The following TNNI3 variants were observed in gnomAD, a reference collection of about 807,000 sequenced individuals.
The protein encoded by TNNI3 is troponin I, cardiac muscle.
TNNI3 carries 23 observed loss-of-function variants against 31.5 expected under a neutral mutation model. The ratio of observed to expected loss-of-function variants is 0.73; its 90% CI spans 0.52 to 1.03. TNNI3 has a LOEUF of 1.03. TNNI3 is among the 50% of genes least tolerant of loss of function. TNNI3 has a pLI of 0.00. For missense variants in TNNI3, 236 were observed against 282.9 expected, an observed-to-expected ratio of 0.83 and a Z score of 1.19; for synonymous variants, 120 against 111.7, an observed-to-expected ratio of 1.07 and a Z score of -0.47.
rs1357844466 is a variant in TNNI3 at position 55,156,299 on chromosome 19, C to A, written c.184G>T (p.Glu62Ter). The change falls in exon 5 of 8, where the codon GAG (glutamate) becomes TAG (stop). Residue 62 changes from glutamate to a stop codon, truncating the protein, a stop_gained. Coordinates refer to ENST00000344887, the MANE Select transcript of TNNI3 (RefSeq NM_000363.5). LOFTEE classifies it high-confidence loss of function. The surrounding 1 kb of genome is among the most constrained non-coding windows in gnomAD (Gnocchi z 4.6). Reference sequence around the variant, plus strand: ...CCGCGCCGCTCCTCCGCCTCTCGCTCCAGCTCTTGCTTTGCAATCTGCAGC... The same window carrying A: ...CCGCGCCGCTCCTCCGCCTCTCGCTACAGCTCTTGCTTTGCAATCTGCAGC... ...LLLQIAKQEL[E>*]REAEERRGEK... 1.9e-6 allele frequency: 3 copies of A among 1,610,520 alleles called. No homozygotes were observed. The highest frequency in any genetic ancestry group is 2.5e-6 in the Non-Finnish European group (3 of 1,179,158).
At position 55,152,481 on chromosome 19, in the gene TNNI3, T is replaced by C. The variant is rs1162639954; in HGVS notation, c.550-564A>G. On this transcript the variant is annotated intron_variant, in intron 7 of 7. Transcript: ENST00000344887. This position sits in a 1 kb window ranked among gnomAD's most constrained non-coding sequence, Gnocchi z 4.0. Reference sequence around the variant, plus strand: ...GCCTAACGCCAGGTCATAATGCCTATGTCATCCACCTCACCTCATCTCAGC... The same window carrying C: ...GCCTAACGCCAGGTCATAATGCCTACGTCATCCACCTCACCTCATCTCAGC... Among the ~76,000 whole-genome samples, 1 of 152,232 alleles carries C rather than the reference T, an allele frequency of 6.6e-6. No individual in the cohort carries two copies. Among genetic ancestry groups the C allele is most frequent in the Non-Finnish European group, 1.5e-5 (1 of 68,048 alleles).
In TNNI3 at chr19:55,152,171, TTC is replaced by T. The variant is rs56007758; in HGVS notation, c.550-256_550-255del. ...GCACTTCCTGTCTCCCTCATGTACT[TTC>T]TGTCTTTCCCCATCCACTTCCTGTC... On this transcript the variant is annotated intron_variant, in intron 7 of 7. Transcript: ENST00000344887. This position sits in a 1 kb window ranked among gnomAD's most constrained non-coding sequence, Gnocchi z 4.0. 0.17 allele frequency among the ~76,000 whole-genome samples: 25,759 copies of T among 151,758 alleles called. 2,380 individuals are homozygous for T. Among genetic ancestry groups the T allele is most frequent in the Middle Eastern group, 0.29 (86 of 294 alleles).
intron 5 of TNNI3, 130 bp from the exon 6 acceptor site, chr19:55,154,960 T>C: frequency 1.4e-6 from 1 of 724,918 alleles, no homozygotes. Flanking sequence ...GCTGGGGGCC[T>C]GGACTCCTGG....
At position 55,151,885 on chromosome 19, in the gene TNNI3, G is replaced by A. The variant is rs730881090; in HGVS notation, c.582C>T (p.Asn194=). The change falls in exon 8 of 8, where the codon AAC becomes AAT. Residue 194 remains asparagine, a synonymous_variant. Coordinates refer to ENST00000344887, the MANE Select transcript of TNNI3 (RefSeq NM_000363.5). ...ENREVGDWRK[N]IDALSGMEGR... is the part of the protein sequence containing the mutation. ...CCTCCATTCCACTCAGTGCATCGAT[G>A]TTCTTGCGCCAGTCTCCCACCTCCC... is the stretch of plus-strand genomic sequence containing the variant. The A allele has an allele frequency of 1.2e-6, 2 of 1,614,044 alleles. No individual in the cohort carries two copies. The highest frequency in any genetic ancestry group is 1.3e-5 in the African/African-American group (1 of 74,918).
Position 55,156,935 on chromosome 19 carries a change from C to G in TNNI3, c.108+115G>C, listed in dbSNP as rs2085736014. 2 of 1,251,442 alleles carry G rather than the reference C, an allele frequency of 1.6e-6. No individual in the cohort carries two copies. Among genetic ancestry groups the G allele is most frequent in the Non-Finnish European group, 1.1e-6 (1 of 888,034 alleles). 77.5% of individuals were successfully genotyped at this position (1,251,442 alleles called of 1,614,324 possible). ...CATGACCCTCTGCAAAACTCCGCCC[C>G]TGAAGCCCCTCCGCGTAGTCCCCGC... On this transcript the variant is annotated intron_variant, in intron 3 of 7. Transcript: ENST00000344887. This position sits in a 1 kb window ranked among gnomAD's most constrained non-coding sequence, Gnocchi z 4.6.
In TNNI3 at chr19:55,157,408, C is replaced by T; in HGVS notation, c.12-100G>A. On this transcript the variant is annotated intron_variant, in intron 1 of 7. Coordinates refer to ENST00000344887, the MANE Select transcript of TNNI3 (RefSeq NM_000363.5). The surrounding 1 kb of genome is among the most constrained non-coding windows in gnomAD (Gnocchi z 6.3). ...CTCTGAACAAGAGGTCGGGGGACCG[C>T]GCTTCCCCTTCCTTGGGTTCCAGGA... 1 of 1,600,106 alleles carries T rather than the reference C, an allele frequency of 6.2e-7. No individual in the cohort carries two copies. Among genetic ancestry groups the T allele is most frequent in the Admixed American group, 1.7e-5 (1 of 59,400 alleles).
chr19:55,154,616 G>C (rs888913796), intron 6 of TNNI3, 125 bp downstream of exon 6: 2 of 835,698 alleles, frequency 2.4e-6, no homozygotes, highest in East Asian at 2.6e-5. Flanking sequence ...AGCCCTGCCA[G>C]GCTCACAGTT....
rs2085699324 is a variant in TNNI3 at position 55,152,193 on chromosome 19, C to G, written c.550-276G>C. On this transcript the variant is annotated intron_variant, in intron 7 of 7. Coordinates refer to ENST00000344887, the MANE Select transcript of TNNI3 (RefSeq NM_000363.5). This position sits in a 1 kb window ranked among gnomAD's most constrained non-coding sequence, Gnocchi z 4.0. ...ACTTTCTGTCTTTCCCCATCCACTTCCTGTCTCCCTCATGCACTTCCTGTC... is the reference window on the plus strand; with the variant it reads ...ACTTTCTGTCTTTCCCCATCCACTTGCTGTCTCCCTCATGCACTTCCTGTC... Among the ~76,000 whole-genome samples, 1 of 151,946 alleles carries G rather than the reference C, an allele frequency of 6.6e-6. No homozygotes were observed. The highest frequency in any genetic ancestry group is 1.5e-5 in the Non-Finnish European group (1 of 67,994).
Position 55,156,503 on chromosome 19 carries a change from C to A in TNNI3, c.150+100G>T, listed in dbSNP as rs547135585. On this transcript the variant is annotated intron_variant, in intron 4 of 7. Transcript: ENST00000344887. The surrounding 1 kb of genome is among the most constrained non-coding windows in gnomAD (Gnocchi z 4.6). ...TAAAGCCACGCCCCGAGCGGCCAAA[C>A]CCCGCCCACTTCCGCCCACCTACCC... 3.2e-4 allele frequency: 493 copies of A among 1,523,476 alleles called. No individual in the cohort carries two copies. The highest frequency in any genetic ancestry group is 3.2e-3 in the Middle Eastern group (14 of 4,430). 94.4% of individuals were successfully genotyped at this position (1,523,476 alleles called of 1,614,324 possible). A position where few individuals can be genotyped will look rare whatever the true frequency, so the allele number is the denominator to read the frequency against.
chr19:55,151,808 A>G lies in TNNI3; in HGVS notation c.*26T>C, dbSNP rs2085695978. 1 of 1,608,652 alleles carries G rather than the reference A, an allele frequency of 6.2e-7. No homozygotes were observed. The highest frequency in any genetic ancestry group is 1.1e-5 in the South Asian group (1 of 90,984). ...AGCTTTATTCCTCAGGGCCCTCCTC[A>G]GGGCAGGGGCAGTAGGCAGGAAGGC... On this transcript the variant is annotated 3_prime_UTR_variant, in exon 8 of 8. Transcript: ENST00000344887.
Position 55,157,466 on chromosome 19 carries a change from C to G in TNNI3, c.11+113G>C, listed in dbSNP as rs1944404122. ...TCGCAAACCCACTTCCTCTCTTCAC[C>G]CAAGAGTCCCTACGCCTACCTCGCA... On this transcript the variant is annotated intron_variant, in intron 1 of 7. Transcript: ENST00000344887. This position sits in a 1 kb window ranked among gnomAD's most constrained non-coding sequence, Gnocchi z 6.3. The G allele has an allele frequency of 9.4e-5, 148 of 1,577,508 alleles. 4 individuals carry two copies. The South Asian group carries it at 1.6e-3, about 17-fold the overall frequency.
Position 55,154,814 on chromosome 19 carries a change from A to G in TNNI3, c.299T>C (p.Leu100Pro), listed in dbSNP as rs1225405918. 6.2e-7 allele frequency: 1 copy of G among 1,614,056 alleles called. No individual in the cohort carries two copies. Residue 100 changes from leucine (L) to proline (P), a missense_variant, in exon 6 of 8, where the codon CTC (leucine) becomes CCC (proline). Coordinates refer to ENST00000344887, the MANE Select transcript of TNNI3 (RefSeq NM_000363.5). Reference sequence around the variant, plus strand: ...ATCCACCTTGTCCACACGGGCGTGGAGCTGTCGGCACAAGTCCTGGAGGAG... The same window carrying G: ...ATCCACCTTGTCCACACGGGCGTGGGGCTGTCGGCACAAGTCCTGGAGGAG... ...FAELQDLCRQ[L>P]HARVDKVDEE...
chr19:55,153,015 G>A (rs2085703340), intron 7 of TNNI3, among the ~76,000 whole-genome samples: 1 of 152,110 alleles, frequency 6.6e-6, no homozygotes, highest in African/African-American at 2.4e-5. Flanking sequence ...GGCCAGGCTG[G>A]TCTCAAACTC....
Position 55,156,273 on chromosome 19 carries a change from T to C in TNNI3, c.210A>G (p.Gly70=). ...GGGTGCTCAGAGCGCGCCCCTTCTCTCCGCGCCGCTCCTCCGCCTCTCGCT... is the reference window on the plus strand; with the variant it reads ...GGGTGCTCAGAGCGCGCCCCTTCTCCCCGCGCCGCTCCTCCGCCTCTCGCT... ...ELEREAEERR[G]EKGRALSTRC... is the part of the protein sequence containing the mutation. Residue 70 remains glycine (G), a synonymous_variant, in exon 5 of 8, where the codon GGA becomes GGG. Transcript: ENST00000344887. This position sits in a 1 kb window ranked among gnomAD's most constrained non-coding sequence, Gnocchi z 4.6. The C allele has an allele frequency of 1.2e-6, 2 of 1,611,368 alleles. No individual in the cohort carries two copies. The highest frequency in any genetic ancestry group is 8.5e-7 in the Non-Finnish European group (1 of 1,179,472).
chr19:55,156,906 C>T lies in TNNI3; in HGVS notation c.108+144G>A. 1.9e-6 allele frequency: 2 copies of T among 1,028,540 alleles called. No homozygotes were observed. Among genetic ancestry groups the T allele is most frequent in the Non-Finnish European group, 2.9e-6 (2 of 686,268 alleles). 63.7% of individuals were successfully genotyped at this position (1,028,540 alleles called of 1,614,324 possible). On this transcript the variant is annotated intron_variant, in intron 3 of 7. Transcript: ENST00000344887. This position sits in a 1 kb window ranked among gnomAD's most constrained non-coding sequence, Gnocchi z 4.6. ...CGCCCGCAGGCTGCTGTCACCAATC[C>T]GAGCATGACCCTCTGCAAAACTCCG...
rs1276999572 is a variant in TNNI3, at chr19:55,156,282, C to T, written c.201G>A (p.Glu67=). 3 of 1,611,116 alleles carry T rather than the reference C, an allele frequency of 1.9e-6. No individual in the cohort carries two copies. The highest frequency in any genetic ancestry group is 3.3e-5 in the Admixed American group (2 of 59,828). Residue 67 remains glutamate, a synonymous_variant, in exon 5 of 8, where the codon GAG becomes GAA. Transcript: ENST00000344887. The surrounding 1 kb of genome is among the most constrained non-coding windows in gnomAD (Gnocchi z 4.6). The part of the protein sequence containing the change: ...AKQELEREAE[E]RRGEKGRALS... ...GAGCGCGCCCCTTCTCTCCGCGCCG[C>T]TCCTCCGCCTCTCGCTCCAGCTCTT...
chr19:55,156,155 T>C lies in TNNI3; in HGVS notation c.282+46A>G. On this transcript the variant is annotated intron_variant, in intron 5 of 7. Coordinates refer to ENST00000344887, the MANE Select transcript of TNNI3 (RefSeq NM_000363.5). This position sits in a 1 kb window ranked among gnomAD's most constrained non-coding sequence, Gnocchi z 4.6. The stretch of plus-strand genomic sequence containing the variant: ...GCAGAAGAGGGGATAGAGGCTGTAC[T>C]GCTGAATTCCGGGACTAGAAACCTC... 6.2e-7 allele frequency: 1 copy of C among 1,612,582 alleles called. No individual in the cohort carries two copies. Among genetic ancestry groups the C allele is most frequent in the African/African-American group, 1.3e-5 (1 of 74,992 alleles).
chr19:55,154,688 T>A, intron 6 of TNNI3, 53 bp downstream of exon 6: 1 of 1,525,020 alleles, frequency 6.6e-7, no homozygotes, highest in Non-Finnish European at 9.1e-7. Context: ...AGAGACCAAG[T>A]CCCAGCCATC....
rs758992431 is a variant in TNNI3, at chr19:55,151,931, A to G, written c.550-14T>C. 2.5e-5 allele frequency: 41 copies of G among 1,613,386 alleles called. No individual in the cohort carries two copies. Among genetic ancestry groups the G allele is most frequent in the South Asian group, 4.4e-5 (4 of 91,064 alleles). ...CTCCCGGTTTTCCTGGAGGATGGCGATGAGTCAGAGGTTAGGGTCTCTTCT... is the reference window on the plus strand; with the variant it reads ...CTCCCGGTTTTCCTGGAGGATGGCGGTGAGTCAGAGGTTAGGGTCTCTTCT... On this transcript the variant is annotated splice_polypyrimidine_tract_variant and intron_variant, in intron 7 of 7. Transcript: ENST00000344887.
Sources: gnomAD v4.1 joint callset for allele counts (sites outside exome capture counted in the v4.1 genomes callset) on GRCh38, gnomAD v4.1.1 for gene constraint, Gnocchi (gnomAD v3.1) non-coding constraint, MANE v1.5 for transcripts, NCBI Gene and HGNC (gene_info 2026-07-23, HGNC 2026-07-21) for gene names.